The following CEACAM3 variants were observed in gnomAD, a reference collection of about 807,000 sequenced individuals.
CEACAM3 encodes the protein CEA cell adhesion molecule 3.
In CEACAM3, 32 loss-of-function variants were observed where a neutral mutation model predicts 30.1. The ratio of observed to expected loss-of-function variants is 1.06; its 90% CI spans 0.80 to 1.43. CEACAM3 has a LOEUF of 1.43. Ranked by LOEUF, CEACAM3 falls within the 40% of genes most tolerant of loss-of-function variation. The probability of loss-of-function intolerance (pLI) is 0.00; values close to 1 mark genes in which losing one functional copy is unlikely to be tolerated. For missense variants in CEACAM3, 290 were observed against 316.3 expected, an observed-to-expected ratio of 0.92 and a Z score of 0.63; for synonymous variants, 134 against 127.2, an observed-to-expected ratio of 1.05 and a Z score of -0.36.
At chr19:41,810,925 C>G in intron 6 of CEACAM3, 28 bp downstream of exon 6, 18 of 1,596,948 alleles carry the variant, frequency 1.1e-5, no homozygotes, top group Non-Finnish European at 1.5e-5. Context: ...ATGTTCTGGT[C>G]CCACAGGCCC....
chr19:41,796,913 A>T (rs548470286), intron 1 of CEACAM3, among the ~76,000 whole-genome samples, 172 bp downstream of exon 1: 1 of 152,344 alleles, frequency 6.6e-6, no homozygotes, highest in East Asian at 1.9e-4. Context: ...TTGAACTGGG[A>T]TTGATAAGAG....
At chr19:41,806,771 C>G (rs186070427) in intron 2 of CEACAM3, among the ~76,000 whole-genome samples, 37 of 152,294 alleles carry the variant, frequency 2.4e-4, no homozygotes, top group Middle Eastern at 3.4e-3. Context: ...ACTGCAAGCT[C>G]TGCCTCCCGG....
intron 3 of CEACAM3, 107 bp from the exon 4 acceptor site, chr19:41,809,858 C>A: frequency 1.8e-6 from 2 of 1,102,124 alleles, no homozygotes; most frequent in South Asian, 1.4e-5. Flanking sequence ...GACAGGAGGT[C>A]TCCATGCCCA....
chr19:41,808,670 G>A (rs941152845), intron 2 of CEACAM3, 143 bp from the exon 3 acceptor site: 20 of 660,070 alleles, frequency 3.0e-5, no homozygotes, highest in African/African-American at 7.5e-5. Flanking sequence ...AAGGGAATCT[G>A]TGATGAGGAC....
intron 2 of CEACAM3, among the ~76,000 whole-genome samples, chr19:41,801,894 T>C (rs1031672414): frequency 3.9e-5 from 6 of 152,186 alleles, no homozygotes; most frequent in African/African-American, 1.2e-4. Flanking sequence ...ATAATGCTGA[T>C]CTCGTAATGT....
chr19:41,806,554 C>A (rs1408385300), intron 2 of CEACAM3, among the ~76,000 whole-genome samples: 2 of 152,228 alleles, frequency 1.3e-5, no homozygotes, highest in African/African-American at 2.4e-5. Context: ...CTGCTTAATT[C>A]ACAGTTGAGA....
intron 2 of CEACAM3, among the ~76,000 whole-genome samples, chr19:41,805,554 G>C (rs1367383327): frequency 6.6e-6 from 1 of 152,128 alleles, no homozygotes; most frequent in African/African-American, 2.4e-5. Context: ...ATCCCAAAAG[G>C]CTGGGATTAC....
At chr19:41,802,194 G>A (rs2073155383) in intron 2 of CEACAM3, among the ~76,000 whole-genome samples, 2 of 152,100 alleles carry the variant, frequency 1.3e-5, no homozygotes, top group African/African-American at 4.8e-5. Context: ...AAAGCTCATG[G>A]CTCATTTCAC....
intron 2 of CEACAM3, among the ~76,000 whole-genome samples, chr19:41,805,361 G>A (rs2073190514): frequency 6.9e-6 from 1 of 144,196 alleles, no homozygotes; most frequent in Non-Finnish European, 1.5e-5. Flanking sequence ...GTGTGATCTT[G>A]GCTCACTGCA....
At chr19:41,799,056 T>A (rs1455392756) in intron 2 of CEACAM3, among the ~76,000 whole-genome samples, 1 of 152,194 alleles carries the variant, frequency 6.6e-6, no homozygotes, top group Non-Finnish European at 1.5e-5. Flanking sequence ...GGCATCCACA[T>A]CTCAGAGGGG....
intron 2 of CEACAM3, among the ~76,000 whole-genome samples, chr19:41,807,849 C>T (rs1555827011): frequency 6.6e-6 from 1 of 152,214 alleles, no homozygotes; most frequent in Non-Finnish European, 1.5e-5. Context: ...CCTCTCCTGC[C>T]ACATGGCCTC....
In CEACAM3 at chr19:41,811,215, A is replaced by G. The variant is rs782653849; in HGVS notation, c.737A>G (p.His246Arg). 2 of 1,614,034 alleles carry G rather than the reference A, an allele frequency of 1.2e-6. No individual in the cohort carries two copies. Among genetic ancestry groups the G allele is most frequent in the Non-Finnish European group, 1.7e-6 (2 of 1,180,012 alleles). Residue 246 changes from histidine (H) to arginine (R), a missense_variant, in exon 7 of 7, where the codon CAC (histidine) becomes CGC (arginine). Physicochemically the swap from His to Arg is conservative, Grantham distance 29 (BLOSUM62 0). Transcript: ENST00000357396. The stretch of plus-strand genomic sequence containing the variant: ...ACAAACATTTACTGCCGGATGGACC[A>G]CAAAGCAGAAGTGGCTTCTTAGCTT... ...HDTNIYCRMD[H>R]KAEVAS
intron 2 of CEACAM3, among the ~76,000 whole-genome samples, chr19:41,805,357 T>C (rs1474419594): frequency 1.3e-5 from 2 of 150,618 alleles, no homozygotes; most frequent in East Asian, 3.9e-4. Context: ...AATGGTGTGA[T>C]CTTGGCTCAC....
chr19:41,801,656 G>T (rs1278081619), intron 2 of CEACAM3, among the ~76,000 whole-genome samples: 8 of 152,286 alleles, frequency 5.3e-5, no homozygotes, highest in East Asian at 1.9e-4. Context: ...AAAGCTGATT[G>T]GTTGGGGATA....
intron 2 of CEACAM3, among the ~76,000 whole-genome samples, chr19:41,805,996 TTGTTGTTG>T (rs1253583203): frequency 7.1e-6 from 1 of 140,796 alleles, no homozygotes; most frequent in African/African-American, 2.9e-5. Flanking sequence ...ACTCTTCCTG[TTGTTGTTG>T]TTTGTTGTTG....
chr19:41,810,497 GA>G, intron 5 of CEACAM3, 143 bp downstream of exon 5: 1 of 1,023,514 alleles, frequency 9.8e-7, no homozygotes, highest in Non-Finnish European at 1.5e-6. Context: ...CCCTGGCCAG[GA>G]GCTGGGCCTC....
chr19:41,809,669 C>T, intron 3 of CEACAM3: 1 of 310,810 alleles, frequency 3.2e-6, no homozygotes. Context: ...CTCAGGCAAA[C>T]CCTCGTGGTC....
At position 41,809,978 on chromosome 19, in the gene CEACAM3, C is replaced by A. The variant is rs782030023; in HGVS notation, c.556C>A (p.Arg186Ser). Residue 186 changes from arginine to serine, a missense_variant, in exon 4 of 7, where the codon CGT (arginine) becomes AGT (serine). Physicochemically the swap from Arg to Ser is moderately radical, Grantham distance 110 (BLOSUM62 -1). Transcript: ENST00000357396. ...LAKTGRTSIQ[R>S]DLKEQQPQAL... is the part of the protein sequence containing the mutation. ...GACCTTTCCTAGAACCAGCATCCAG[C>A]GTGACCTCAAGGAGCAGCAGCCCCA... 1.4e-5 allele frequency: 23 copies of A among 1,613,830 alleles called. No homozygotes were observed. The African/African-American group carries it at 1.5e-4, about 10-fold the overall frequency.
chr19:41,809,518 C>T (rs1284655038), intron 3 of CEACAM3: 1 of 171,326 alleles, frequency 5.8e-6, no homozygotes, highest in Non-Finnish European at 1.2e-5. Context: ...GGACACTGTC[C>T]CATTTCAGCA....
Sources: allele counts gnomAD v4.1 joint callset (sites outside exome capture counted in the v4.1 genomes callset), GRCh38; gene constraint gnomAD v4.1.1; transcripts MANE v1.5; gene names NCBI Gene and HGNC (gene_info 2026-07-23, HGNC 2026-07-21).